Variants in IMMP2L observed in about 807,000 individuals in gnomAD.
The protein encoded by IMMP2L is inner mitochondrial membrane peptidase subunit 2.
IMMP2L carries 18 observed loss-of-function variants against 19.3 expected under a neutral mutation model. That is an observed-to-expected ratio of 0.93 (90% CI 0.64 to 1.38). IMMP2L has a LOEUF of 1.38. Among genes scored for constraint, IMMP2L ranks in the 40% most tolerant of loss-of-function variants. The pLI is 0.00. For synonymous variants in IMMP2L, 76 were observed against 73.0 expected (o/e 1.04, Z -0.21); for missense variants, 233 against 218.2 (o/e 1.07, Z -0.43).
intron 3 of IMMP2L, among the ~76,000 whole-genome samples, chr7:111,238,121 G>T (rs1814556920): frequency 1.3e-5 from 2 of 152,050 alleles, no homozygotes; most frequent in South Asian, 4.1e-4. Flanking sequence ...ATGTCAAGCT[G>T]TAATTTCTGA....
rs1234700800 is a variant in IMMP2L, at chr7:111,221,323, A to T, written c.240-257758T>A. On this transcript the variant is annotated intron_variant, in intron 3 of 5. Transcript: ENST00000405709. Reference sequence around the variant, plus strand: ...ATCACAAGACTACTTGAAAAATTTTAAAAATATGTATTAGAAAGCATTACC... The same window carrying T: ...ATCACAAGACTACTTGAAAAATTTTTAAAATATGTATTAGAAAGCATTACC... 3.3e-5 allele frequency among the ~76,000 whole-genome samples: 5 copies of T among 152,222 alleles called. No individual in the cohort carries two copies. In the South Asian group the frequency reaches 6.2e-4, roughly 19 times the overall value.
At chr7:111,495,787 G>A (rs891622972) in intron 2 of IMMP2L, among the ~76,000 whole-genome samples, 1 of 152,050 alleles carries the variant, frequency 6.6e-6, no homozygotes, top group Non-Finnish European at 1.5e-5. Flanking sequence ...CTGCCTCCAA[G>A]ATATAAAGAA....
At chr7:110,836,534 T>C (rs1804496661) in intron 5 of IMMP2L, among the ~76,000 whole-genome samples, 1 of 152,104 alleles carries the variant, frequency 6.6e-6, no homozygotes, top group African/African-American at 2.4e-5. Flanking sequence ...CCTTTCACCT[T>C]CCATCATGAT....
At chr7:110,914,432 G>A (rs1813374471) in intron 4 of IMMP2L, among the ~76,000 whole-genome samples, 1 of 152,110 alleles carries the variant, frequency 6.6e-6, no homozygotes, top group Non-Finnish European at 1.5e-5. Context: ...TTCAATTAGG[G>A]CATGAACAAA....
chr7:110,930,082 G>A (rs1247621298), intron 4 of IMMP2L, among the ~76,000 whole-genome samples: 1 of 152,114 alleles, frequency 6.6e-6, no homozygotes, highest in Admixed American at 6.6e-5. Context: ...TCATATATAA[G>A]ACTGAGCAGC....
chr7:111,224,104 T>C (rs1324097257), intron 3 of IMMP2L, among the ~76,000 whole-genome samples: 1 of 152,014 alleles, frequency 6.6e-6, no homozygotes, highest in Non-Finnish European at 1.5e-5. Flanking sequence ...CACTTCCCCC[T>C]CTCTCAACCT....
At chr7:111,098,700 C>T (rs749208729) in intron 3 of IMMP2L, among the ~76,000 whole-genome samples, 3 of 151,676 alleles carry the variant, frequency 2.0e-5, no homozygotes, top group Non-Finnish European at 4.4e-5. Context: ...ACTAAGTAAG[C>T]GCTATGTTTA....
intron 3 of IMMP2L, among the ~76,000 whole-genome samples, chr7:111,025,515 G>A (rs898800073): frequency 1.1e-4 from 16 of 152,134 alleles, no homozygotes; most frequent in African/African-American, 3.9e-4. Flanking sequence ...AAAACAGGTT[G>A]CGCCTAAATG....
At chr7:110,791,227 T>C (rs966079753) in intron 5 of IMMP2L, among the ~76,000 whole-genome samples, 1 of 151,656 alleles carries the variant, frequency 6.6e-6, no homozygotes, top group Non-Finnish European at 1.5e-5. Context: ...AGGATCATTA[T>C]GGAATGTAAA....
intron 3 of IMMP2L, among the ~76,000 whole-genome samples, chr7:111,257,190 C>A (rs1816803024): frequency 6.6e-6 from 1 of 151,968 alleles, no homozygotes; most frequent in South Asian, 2.1e-4. Context: ...ATAATAATTC[C>A]AACTGACAGC....
At chr7:111,249,992 T>C (rs1052076237) in intron 3 of IMMP2L, among the ~76,000 whole-genome samples, 1 of 152,168 alleles carries the variant, frequency 6.6e-6, no homozygotes, top group South Asian at 2.1e-4. Context: ...GACATAATCC[T>C]GTATCTAGAA....
At chr7:111,170,585 T>C (rs1289867369) in intron 3 of IMMP2L, among the ~76,000 whole-genome samples, 2 of 151,744 alleles carry the variant, frequency 1.3e-5, no homozygotes, top group East Asian at 1.9e-4. Context: ...AGGTAGAGAA[T>C]GTGACCAAAA....
In IMMP2L at chr7:110,765,145, T is replaced by C. The variant is rs138244683; in HGVS notation, c.409-101424A>G. Among the ~76,000 whole-genome samples the C allele has an allele frequency of 5.7e-3, 870 of 152,278 alleles. 10 individuals are homozygous for C. Among genetic ancestry groups the C allele is most frequent in the African/African-American group, 0.02 (820 of 41,578 alleles). ...TAGCAAAATCAAGATAAAAGATATC[T>C]TGTAGATTTGAAGAGTACACATCTA... On this transcript the variant is annotated intron_variant, in intron 5 of 5. Transcript: ENST00000405709.
At chr7:110,887,659 A>T (rs1027384645) in intron 4 of IMMP2L, among the ~76,000 whole-genome samples, 2 of 151,848 alleles carry the variant, frequency 1.3e-5, no homozygotes, top group Non-Finnish European at 2.9e-5. Context: ...TTATGATACA[A>T]CCAACTAAAC....
At chr7:111,160,843 T>C (rs1805180928) in intron 3 of IMMP2L, among the ~76,000 whole-genome samples, 1 of 150,964 alleles carries the variant, frequency 6.6e-6, no homozygotes, top group Admixed American at 6.6e-5. Context: ...AAACAAAGAA[T>C]TCAGATAAAC....
At chr7:110,991,786 T>C (rs78183925) in intron 3 of IMMP2L, among the ~76,000 whole-genome samples, 1,888 of 152,178 alleles carry the variant, frequency 0.012, 31 homozygotes, top group African/African-American at 0.042. Flanking sequence ...AAAAACACCT[T>C]CTTCTGGCAC....
At chr7:111,098,477 T>C (rs1369501264) in intron 3 of IMMP2L, among the ~76,000 whole-genome samples, 2 of 151,802 alleles carry the variant, frequency 1.3e-5, no homozygotes, top group Non-Finnish European at 1.5e-5. Flanking sequence ...ATCAAAGTAA[T>C]GATGAATTAA....
intron 3 of IMMP2L, among the ~76,000 whole-genome samples, chr7:111,444,544 C>T (rs1585123492): frequency 6.6e-6 from 1 of 152,090 alleles, no homozygotes; most frequent in Admixed American, 6.6e-5. Flanking sequence ...TTGTTAAGTG[C>T]CTGCAAATAA....
At chr7:111,378,787 A>G (rs577901794) in intron 3 of IMMP2L, among the ~76,000 whole-genome samples, 75 of 152,034 alleles carry the variant, frequency 4.9e-4, no homozygotes, top group South Asian at 1.5e-3. Flanking sequence ...TTGTTACATG[A>G]TAAGTTGCAG....
Sources: gnomAD v4.1 joint callset for allele counts (sites outside exome capture counted in the v4.1 genomes callset) on GRCh38, gnomAD v4.1.1 for gene constraint, MANE v1.5 for transcripts, NCBI Gene and HGNC (gene_info 2026-07-23, HGNC 2026-07-21) for gene names.